The following PCDH9 variants were observed in gnomAD, a reference collection of about 807,000 sequenced individuals.
PCDH9 encodes protocadherin 9.
In PCDH9, 24 loss-of-function variants were observed where a neutral mutation model predicts 70.6. The observed-to-expected ratio is 0.34, with a 90% confidence interval of 0.25 to 0.48. The LOEUF (loss-of-function observed/expected upper bound fraction) is 0.48, where lower values mean the gene tolerates loss of function less well. Ranked by LOEUF, PCDH9 falls within the 20% of genes least tolerant of loss-of-function variation. The probability of loss-of-function intolerance (pLI) is 0.99; values close to 1 mark genes in which losing one functional copy is unlikely to be tolerated. For missense variants in PCDH9, 1,281 were observed against 1,503.6 expected (o/e 0.85, Z 2.45); for synonymous variants, 562 against 558.5 (o/e 1.01, Z -0.09).
chr13:66,314,830 C>T (rs532312751), intron 4 of PCDH9, among the ~76,000 whole-genome samples: 112 of 152,218 alleles, frequency 7.4e-4, no homozygotes, highest in Non-Finnish European at 1.4e-3. Context: ...CTAATCTCTG[C>T]GACTATGAAT....
chr13:67,214,193 A>C (rs181570060), intron 2 of PCDH9: 114 of 152,356 alleles, frequency 7.5e-4, no homozygotes, highest in African/African-American at 2.6e-3. Flanking sequence ...TTACTTATAA[A>C]ATGAATATAA....
At chr13:66,870,286 C>T (rs945412331) in intron 3 of PCDH9, among the ~76,000 whole-genome samples, 4 of 152,144 alleles carry the variant, frequency 2.6e-5, no homozygotes, top group Non-Finnish European at 5.9e-5. Flanking sequence ...ATCTCTATCT[C>T]TGTTTTGGTA....
intron 3 of PCDH9, among the ~76,000 whole-genome samples, chr13:66,748,819 C>A (rs1422996064): frequency 1.3e-5 from 2 of 152,158 alleles, no homozygotes; most frequent in African/African-American, 4.8e-5. Context: ...TTCAACATCT[C>A]TAATGTGGTT....
chr13:66,653,059 G>T (rs1375115219), intron 3 of PCDH9, among the ~76,000 whole-genome samples: 1 of 152,136 alleles, frequency 6.6e-6, no homozygotes, highest in Admixed American at 6.5e-5. Context: ...AAACACTGGG[G>T]AAACTCTGCT....
intron 4 of PCDH9, among the ~76,000 whole-genome samples, chr13:66,369,085 T>G (rs1215065715): frequency 1.3e-5 from 2 of 152,122 alleles, no homozygotes; most frequent in African/African-American, 4.8e-5. Flanking sequence ...AAAGAGATTT[T>G]TCTTTGGTTT....
At chr13:66,469,350 T>C (rs1044409363) in intron 4 of PCDH9, among the ~76,000 whole-genome samples, 1 of 151,756 alleles carries the variant, frequency 6.6e-6, no homozygotes, top group African/African-American at 2.4e-5. Context: ...ATGTATAGTC[T>C]GTCAATATTG....
rs556197111 is a variant in PCDH9 at position 66,459,938 on chromosome 13, C to T, written c.3341-154910G>A. Reference sequence around the variant, plus strand: ...GTAGAATATCATTATCTAAGCCCCACCCCCAGTTTACAGCTCAATGTATTT... The same window carrying T: ...GTAGAATATCATTATCTAAGCCCCATCCCCAGTTTACAGCTCAATGTATTT... On this transcript the variant is annotated intron_variant, in intron 4 of 4. Coordinates refer to ENST00000377865, the MANE Select transcript of PCDH9 (RefSeq NM_203487.3). 2.6e-5 allele frequency among the ~76,000 whole-genome samples: 4 copies of T among 151,926 alleles called. No individual in the cohort carries two copies. In the South Asian group the frequency reaches 6.2e-4, roughly 24 times the overall value.
intron 3 of PCDH9, among the ~76,000 whole-genome samples, chr13:66,764,870 CAA>C (rs2079686719): frequency 1.3e-5 from 2 of 151,656 alleles, no homozygotes; most frequent in African/African-American, 4.8e-5. Flanking sequence ...AAAAATACAA[CAA>C]AAGAAAAAAT....
chr13:67,186,271 G>A (rs1451601028), intron 2 of PCDH9, among the ~76,000 whole-genome samples: 3 of 152,124 alleles, frequency 2.0e-5, no homozygotes, highest in Non-Finnish European at 2.9e-5. Context: ...CTTTGAATAT[G>A]TTGAGTGATT....
In PCDH9 at chr13:66,409,826, G is replaced by A. The variant is rs771670251; in HGVS notation, c.3341-104798C>T. Among the ~76,000 whole-genome samples the A allele has an allele frequency of 3.3e-5, 5 of 152,246 alleles. No homozygotes were observed. In the East Asian group the frequency reaches 7.7e-4, roughly 24 times the overall value. Reference sequence around the variant, plus strand: ...ATTCAACAACATCAGTACCTAATACGTTAGCTAGTCCTGCTGGTCTAAGTA... The same window carrying A: ...ATTCAACAACATCAGTACCTAATACATTAGCTAGTCCTGCTGGTCTAAGTA... On this transcript the variant is annotated intron_variant, in intron 4 of 4. Transcript: ENST00000377865.
At chr13:66,962,013 G>A (rs765643474) in intron 2 of PCDH9, among the ~76,000 whole-genome samples, 6 of 151,318 alleles carry the variant, frequency 4.0e-5, no homozygotes, top group South Asian at 2.1e-4. Context: ...ATTGTGCCAC[G>A]GCACTCCAGC....
intron 4 of PCDH9, among the ~76,000 whole-genome samples, chr13:66,375,767 T>C (rs1956736192): frequency 6.6e-6 from 1 of 152,074 alleles, no homozygotes; most frequent in African/African-American, 2.4e-5. Flanking sequence ...CAGTATAAAA[T>C]CATTATATCT....
chr13:66,337,044 C>T (rs1041097514), intron 4 of PCDH9, among the ~76,000 whole-genome samples: 15 of 151,526 alleles, frequency 9.9e-5, no homozygotes, highest in African/African-American at 3.4e-4. Context: ...GTTTCTTTCC[C>T]TAAAATAAAT....
At chr13:66,664,584 CTT>C (rs2078066700) in intron 3 of PCDH9, among the ~76,000 whole-genome samples, 1 of 151,990 alleles carries the variant, frequency 6.6e-6, no homozygotes, top group African/African-American at 2.4e-5. Flanking sequence ...CTCCTAGAAA[CTT>C]ATATGAATTC....
At chr13:66,511,493 A>G (rs1044383889) in intron 4 of PCDH9, among the ~76,000 whole-genome samples, 8 of 152,076 alleles carry the variant, frequency 5.3e-5, no homozygotes, top group African/African-American at 1.4e-4. Context: ...CAAGTGCCCA[A>G]TAAAGGACAA....
rs143937290 is a variant in PCDH9 at position 66,781,403 on chromosome 13, A to G, written c.3138+122101T>C. Among the ~76,000 whole-genome samples the G allele has an allele frequency of 3.4e-3, 521 of 152,316 alleles. 3 individuals carry two copies. The highest frequency in any genetic ancestry group is 0.01 in the African/African-American group (430 of 41,568). On this transcript the variant is annotated intron_variant, in intron 3 of 4. Coordinates refer to ENST00000377865, the MANE Select transcript of PCDH9 (RefSeq NM_203487.3). ...GATGGGTTTATTTCACAAATGCGCT[A>G]TGCTGCACAGATGGAAGTTCCTGAA...
At chr13:66,802,605 G>A (rs746252921) in intron 3 of PCDH9, among the ~76,000 whole-genome samples, 1 of 151,722 alleles carries the variant, frequency 6.6e-6, no homozygotes, top group Non-Finnish European at 1.5e-5. Context: ...ACTTCAATAG[G>A]GTGCTGTAAA....
intron 2 of PCDH9, chr13:67,204,659 T>C (rs548524162): frequency 3.3e-5 from 5 of 152,264 alleles, no homozygotes; most frequent in Admixed American, 6.5e-5. Context: ...TCACAACCAA[T>C]AGGCATAATG....
chr13:66,602,556 G>A (rs2077176215), intron 4 of PCDH9, among the ~76,000 whole-genome samples: 1 of 145,592 alleles, frequency 6.9e-6, no homozygotes, highest in Admixed American at 6.9e-5. Flanking sequence ...AAGTATTTTT[G>A]TACAGCTGTA....
Sources: gnomAD v4.1 joint callset for allele counts (sites outside exome capture counted in the v4.1 genomes callset) on GRCh38, gnomAD v4.1.1 for gene constraint, MANE v1.5 for transcripts, NCBI Gene and HGNC (gene_info 2026-07-23, HGNC 2026-07-21) for gene names.